Variants in CDH13 observed in about 807,000 individuals in gnomAD.
CDH13 encodes cadherin-13.
CDH13 carries 24 observed loss-of-function variants against 63.8 expected under a neutral mutation model. The observed-to-expected ratio is 0.38, with a 90% CI of 0.27 to 0.53. CDH13 has a LOEUF of 0.53. CDH13 is among the 20% of genes least tolerant of loss of function. The pLI, the probability that CDH13 is intolerant of heterozygous loss-of-function variation, is 0.85. For synonymous variants in CDH13, 503 were observed against 355.3 expected (o/e 1.42, Z -4.67); for missense variants, 1,049 against 903.1 (o/e 1.16, Z -2.07).
At chr16:83,680,379 G>A (rs938701847) in intron 10 of CDH13, among the ~76,000 whole-genome samples, 6 of 152,156 alleles carry the variant, frequency 3.9e-5, no homozygotes, top group African/African-American at 1.2e-4. Flanking sequence ...TGAGAAGGAG[G>A]GATGAACATC....
At chr16:83,050,746 T>A (rs951922169) in intron 3 of CDH13, among the ~76,000 whole-genome samples, 1 of 152,180 alleles carries the variant, frequency 6.6e-6, no homozygotes, top group Non-Finnish European at 1.5e-5. Context: ...TAACTGTGTG[T>A]TTCTGAACGC....
rs1904304603 is a variant in CDH13, at chr16:83,799,566, A to G, written c.*4536A>G. ...AGTCAACAGGGTAAGTCACACCAAC[A>G]GGAAACCCAAGCACTAAAAAAGCCA... is the stretch of plus-strand genomic sequence containing the variant. On this transcript the variant is annotated 3_prime_UTR_variant, in exon 14 of 14. Coordinates refer to ENST00000567109, the MANE Select transcript of CDH13 (RefSeq NM_001257.5). 2.0e-5 allele frequency: 3 copies of G among 152,204 alleles called. No homozygotes were observed. Among genetic ancestry groups the G allele is most frequent in the Admixed American group, 2.0e-4 (3 of 15,278 alleles). 9.4% of individuals were successfully genotyped at this position (152,204 alleles called of 1,614,324 possible).
intron 10 of CDH13, among the ~76,000 whole-genome samples, chr16:83,706,545 T>C (rs181719685): frequency 9.2e-5 from 14 of 152,198 alleles, no homozygotes; most frequent in African/African-American, 3.1e-4. Context: ...CTCTGTGGCA[T>C]GGGGAAATCA....
At chr16:83,001,266 T>C (rs1238976394) in intron 2 of CDH13, among the ~76,000 whole-genome samples, 2 of 152,266 alleles carry the variant, frequency 1.3e-5, no homozygotes, top group African/African-American at 4.8e-5. Context: ...TAAGTCGTTC[T>C]TGCAATTGAG....
At chr16:83,309,433 T>C (rs947711556) in intron 5 of CDH13, among the ~76,000 whole-genome samples, 3 of 152,094 alleles carry the variant, frequency 2.0e-5, no homozygotes, top group African/African-American at 7.2e-5. Flanking sequence ...TGGAGTGCAG[T>C]GGCATGATCT....
chr16:83,256,706 A>G (rs868361231), intron 5 of CDH13, among the ~76,000 whole-genome samples: 20 of 148,592 alleles, frequency 1.3e-4, no homozygotes, highest in Middle Eastern at 6.9e-3. Context: ...TTAGCCGGGC[A>G]TGGTGGCGGC....
intron 8 of CDH13, among the ~76,000 whole-genome samples, chr16:83,644,735 G>A (rs1241457125): frequency 1.3e-5 from 2 of 152,194 alleles, no homozygotes; most frequent in Non-Finnish European, 2.9e-5. Flanking sequence ...GCCTGTGAAT[G>A]GTTCACATCA....
At chr16:83,051,158 G>C (rs2030288685) in intron 3 of CDH13, among the ~76,000 whole-genome samples, 1 of 152,174 alleles carries the variant, frequency 6.6e-6, no homozygotes, top group South Asian at 2.1e-4. Flanking sequence ...TTCAAAGGCT[G>C]TCAGTCTTCC....
At chr16:83,773,798 T>C (rs1253182946) in intron 11 of CDH13, among the ~76,000 whole-genome samples, 2 of 152,172 alleles carry the variant, frequency 1.3e-5, no homozygotes, top group African/African-American at 4.8e-5. Context: ...TAGTATATGG[T>C]GATTCTCCTG....
intron 6 of CDH13, among the ~76,000 whole-genome samples, chr16:83,423,293 A>T (rs2071772258): frequency 6.6e-6 from 1 of 152,200 alleles, no homozygotes; most frequent in Admixed American, 6.5e-5. Context: ...TCTTTTAACT[A>T]AGTCGTTATT....
chr16:82,851,791 C>T (rs2039499691), intron 1 of CDH13, among the ~76,000 whole-genome samples: 1 of 152,104 alleles, frequency 6.6e-6, no homozygotes, highest in Non-Finnish European at 1.5e-5. Flanking sequence ...TGGGTTTGTG[C>T]TCCCTGGGAG....
chr16:83,174,823 T>C (rs542640037), intron 4 of CDH13, among the ~76,000 whole-genome samples: 2 of 152,170 alleles, frequency 1.3e-5, no homozygotes, highest in Non-Finnish European at 2.9e-5. Context: ...AGGCACATCT[T>C]ATCACAGTAA....
intron 6 of CDH13, among the ~76,000 whole-genome samples, chr16:83,380,006 C>A (rs141687587): frequency 5.6e-4 from 82 of 145,364 alleles, no homozygotes; most frequent in African/African-American, 2.1e-3. Flanking sequence ...GGGCATATTC[C>A]ATATAATACA....
intron 6 of CDH13, among the ~76,000 whole-genome samples, chr16:83,449,218 A>G (rs1202208918): frequency 3.3e-5 from 5 of 152,304 alleles, no homozygotes; most frequent in Non-Finnish European, 5.9e-5. Flanking sequence ...CTCATTTATA[A>G]TGTCAAGCCC....
intron 2 of CDH13, among the ~76,000 whole-genome samples, chr16:82,869,785 G>T (rs548144925): frequency 2.0e-5 from 3 of 152,122 alleles, no homozygotes; most frequent in South Asian, 4.1e-4. Context: ...ATATGCAGAA[G>T]AATGATAATA....
intron 3 of CDH13, among the ~76,000 whole-genome samples, chr16:83,041,248 A>C (rs1917307082): frequency 6.6e-6 from 1 of 152,200 alleles, no homozygotes; most frequent in Admixed American, 6.5e-5. Flanking sequence ...CTTAAAAATA[A>C]AACAAAGAAG....
chr16:83,086,675 C>T (rs921470945), intron 3 of CDH13, among the ~76,000 whole-genome samples: 1 of 152,168 alleles, frequency 6.6e-6, no homozygotes, highest in Non-Finnish European at 1.5e-5. Flanking sequence ...CTTTACCTTG[C>T]CAGTAGTATT....
chr16:82,654,183 TAGAG>T (rs1387623563), intron 1 of CDH13, among the ~76,000 whole-genome samples: 1 of 152,152 alleles, frequency 6.6e-6, no homozygotes, highest in African/African-American at 2.4e-5. Flanking sequence ...TTCTTGCCCT[TAGAG>T]AGTCACCTAG....
intron 6 of CDH13, among the ~76,000 whole-genome samples, chr16:83,345,608 A>G (rs1360429630): frequency 6.6e-6 from 1 of 152,110 alleles, no homozygotes; most frequent in Non-Finnish European, 1.5e-5. Context: ...CCCATGTTTA[A>G]CCTTTCTATC....
Sources: allele counts gnomAD v4.1 joint callset (sites outside exome capture counted in the v4.1 genomes callset), GRCh38; gene constraint gnomAD v4.1.1; transcripts MANE v1.5; gene names NCBI Gene and HGNC (gene_info 2026-07-23, HGNC 2026-07-21).